The following SLC41A2 variants were observed in gnomAD, a reference collection of about 807,000 sequenced individuals.
The protein encoded by SLC41A2 is SLC41A1-like 1.
A neutral mutation model predicts 58.3 loss-of-function variants in SLC41A2; 32 were observed. The observed-to-expected ratio is 0.55, with a 90% confidence interval of 0.41 to 0.74. SLC41A2 has a LOEUF of 0.74. Among genes scored for constraint, SLC41A2 ranks in the 30% least tolerant of loss-of-function variants. The pLI, the probability that SLC41A2 is intolerant of heterozygous loss-of-function variation, is 0.00. For synonymous variants in SLC41A2, 190 were observed against 235.0 expected (o/e 0.81, Z 1.75); for missense variants, 514 against 680.6 (o/e 0.76, Z 2.72).
intron 2 of SLC41A2, among the ~76,000 whole-genome samples, chr12:104,913,846 T>C (rs1186224689): frequency 6.6e-6 from 1 of 152,082 alleles, no homozygotes; most frequent in Admixed American, 6.6e-5. Context: ...CCGAGGCAGA[T>C]GGATCACTTG....
intron 1 of SLC41A2, among the ~76,000 whole-genome samples, chr12:104,944,805 T>C (rs2047647150): frequency 6.6e-6 from 1 of 151,660 alleles, no homozygotes; most frequent in African/African-American, 2.4e-5. Context: ...GTTTCTAATA[T>C]CCACTGGCAT....
chr12:104,872,878 C>CT (rs149671750), intron 6 of SLC41A2, among the ~76,000 whole-genome samples: 3,400 of 152,142 alleles, frequency 0.022, 39 homozygotes, highest in Non-Finnish European at 0.036. Context: ...AGACTTTTTT[C>CT]TTTTTTTGAT....
intron 10 of SLC41A2, among the ~76,000 whole-genome samples, chr12:104,823,289 G>A (rs183174628): frequency 2.0e-5 from 3 of 152,192 alleles, no homozygotes; most frequent in African/African-American, 7.2e-5. Flanking sequence ...ATCTATACCT[G>A]TCAACATAAA....
chr12:104,936,547 T>C (rs2047282915), intron 1 of SLC41A2, among the ~76,000 whole-genome samples: 1 of 152,164 alleles, frequency 6.6e-6, no homozygotes, highest in African/African-American at 2.4e-5. Flanking sequence ...AGTCACATCT[T>C]ACGTAGATGG....
chr12:104,835,930 G>A (rs1354745045), intron 10 of SLC41A2, among the ~76,000 whole-genome samples: 2 of 152,122 alleles, frequency 1.3e-5, no homozygotes, highest in South Asian at 2.1e-4. Flanking sequence ...TGCAACCTCC[G>A]CCTCCTGGGT....
At chr12:104,845,041 TAGG>T (rs1000664418) in intron 9 of SLC41A2, among the ~76,000 whole-genome samples, 1 of 152,092 alleles carries the variant, frequency 6.6e-6, no homozygotes, top group Non-Finnish European at 1.5e-5. Context: ...CCCAGAGCTT[TAGG>T]AGGCCAAGGT....
At chr12:104,953,194 T>G (rs953953223) in intron 1 of SLC41A2, among the ~76,000 whole-genome samples, 19 of 152,274 alleles carry the variant, frequency 1.2e-4, no homozygotes, top group Admixed American at 8.5e-4. Flanking sequence ...CACAATAAAA[T>G]AATCACTCAA....
chr12:104,933,684 CACACAT>C (rs141642232), intron 1 of SLC41A2, among the ~76,000 whole-genome samples: 4,752 of 151,136 alleles, frequency 0.031, 141 homozygotes, highest in East Asian at 0.15. Context: ...AATACACACA[CACACAT>C]ACACACACAC....
intron 6 of SLC41A2, among the ~76,000 whole-genome samples, chr12:104,882,781 CT>C (rs2044447356): frequency 6.6e-6 from 1 of 152,198 alleles, no homozygotes; most frequent in Non-Finnish European, 1.5e-5. Flanking sequence ...CTTGGTGAAT[CT>C]GACAATTATG....
At chr12:104,944,849 A>G (rs960024162) in intron 1 of SLC41A2, among the ~76,000 whole-genome samples, 1 of 151,172 alleles carries the variant, frequency 6.6e-6, no homozygotes, top group African/African-American at 2.4e-5. Context: ...TTTTTTTCAT[A>G]AGAGTAATAT....
chr12:104,931,554 A>G (rs962374963), intron 1 of SLC41A2: 1 of 152,258 alleles, frequency 6.6e-6, no homozygotes, highest in Non-Finnish European at 1.5e-5. Flanking sequence ...TAATCAGGTA[A>G]GCACATAAAT....
At chr12:104,910,301 A>C (rs767570907) in intron 2 of SLC41A2, among the ~76,000 whole-genome samples, 2 of 152,174 alleles carry the variant, frequency 1.3e-5, no homozygotes, top group Non-Finnish European at 2.9e-5. Context: ...TTTAATCCCC[A>C]TTTTAAGGTG....
chr12:104,894,633 A>G (rs2045190612), intron 4 of SLC41A2, among the ~76,000 whole-genome samples: 1 of 152,196 alleles, frequency 6.6e-6, no homozygotes, highest in African/African-American at 2.4e-5. Context: ...AGGTGAACTA[A>G]TACCAAAATT....
chr12:104,912,777 G>A (rs1172742857), intron 2 of SLC41A2, among the ~76,000 whole-genome samples: 1 of 152,140 alleles, frequency 6.6e-6, no homozygotes, highest in Non-Finnish European at 1.5e-5. Context: ...TCAAGCGGAG[G>A]ACAGTCTTTT....
At chr12:104,939,488 C>A (rs1458741006) in intron 1 of SLC41A2, among the ~76,000 whole-genome samples, 3 of 152,118 alleles carry the variant, frequency 2.0e-5, no homozygotes, top group African/African-American at 7.2e-5. Context: ...CAGGCACGAG[C>A]CACCATGCCC....
rs1010187250 is a variant in SLC41A2, at chr12:104,837,539, T to A, written c.1536+6933A>T. Among the ~76,000 whole-genome samples, 24 of 152,210 alleles carry A rather than the reference T, an allele frequency of 1.6e-4. 1 individual carries two copies. In the Middle Eastern group the frequency reaches 0.014, roughly 86 times the overall value. On this transcript the variant is annotated intron_variant, in intron 10 of 10. Coordinates refer to ENST00000258538, the MANE Select transcript of SLC41A2 (RefSeq NM_001352171.3). ...TCTCTTCAACATTTAACTGGAGATG[T>A]AGAACAGGAGTCCAGACTGGAGATA...
At chr12:104,832,105 T>C (rs1331560007) in intron 10 of SLC41A2, among the ~76,000 whole-genome samples, 1 of 152,306 alleles carries the variant, frequency 6.6e-6, no homozygotes, top group Non-Finnish European at 1.5e-5. Flanking sequence ...TTCTTCAGCA[T>C]ACCTTCAGAA....
intron 4 of SLC41A2, 35 bp from the exon 5 acceptor site, chr12:104,889,212 C>T: frequency 1.3e-6 from 2 of 1,583,020 alleles, no homozygotes; most frequent in Non-Finnish European, 1.7e-6. Flanking sequence ...CTGAATTATT[C>T]ACTTTAAAAA....
At chr12:104,953,209 G>T (rs1413413998) in intron 1 of SLC41A2, among the ~76,000 whole-genome samples, 1 of 152,154 alleles carries the variant, frequency 6.6e-6, no homozygotes, top group Non-Finnish European at 1.5e-5. Context: ...ACTCAAAAGT[G>T]TCTAAGAGAT....
Sources: gnomAD v4.1 joint callset for allele counts (sites outside exome capture counted in the v4.1 genomes callset) on GRCh38, gnomAD v4.1.1 for gene constraint, MANE v1.5 for transcripts, NCBI Gene and HGNC (gene_info 2026-07-23, HGNC 2026-07-21) for gene names.